ADAM29: variants seen among roughly 807,000 people sequenced by gnomAD.
The protein encoded by ADAM29 is ADAM metallopeptidase domain 29.
For synonymous variants in ADAM29, 367 were observed against 342.3 expected (o/e 1.07, Z -0.80); for missense variants, 969 against 1,001.8 (o/e 0.97, Z 0.44).
chr4:174,976,837 GC>G lies in ADAM29; in HGVS notation c.1313del (p.Ala438ValfsTer87). ...NCTLTDGSTC[A>X]FGLCCKDCKF... ...CACTCTGACTGATGGTTCTACTTGT[GC>G]TTTTGGGCTTTGTTGCAAAGACTGC... On this transcript the variant is annotated frameshift_variant, in exon 5 of 5. Coordinates refer to ENST00000359240, the MANE Select transcript of ADAM29 (RefSeq NM_014269.4). LOFTEE classifies it low-confidence loss of function (END_TRUNC). 2 of 1,614,178 alleles carry G rather than the reference GC, an allele frequency of 1.2e-6. No individual in the cohort carries two copies. The highest frequency in any genetic ancestry group is 1.7e-6 in the Non-Finnish European group (2 of 1,180,036).
intron 3 of ADAM29, chr4:174,931,470 T>C (rs560123874): frequency 3.9e-5 from 6 of 152,346 alleles, no homozygotes; most frequent in South Asian, 2.1e-4. Flanking sequence ...CTATCGAATA[T>C]ATCCTTTAGA....
At chr4:174,963,500 A>T (rs1745974235) in intron 4 of ADAM29, among the ~76,000 whole-genome samples, 1 of 152,224 alleles carries the variant, frequency 6.6e-6, no homozygotes, top group African/African-American at 2.4e-5. Context: ...TAGCAAAAAA[A>T]AGAATGAAGG....
At chr4:174,949,693 T>C (rs11946315) in intron 4 of ADAM29, among the ~76,000 whole-genome samples, 62,945 of 151,244 alleles carry the variant, frequency 0.42, 13,426 homozygotes, top group South Asian at 0.47. Context: ...TGGTGGGAGA[T>C]GTTCCTCCTG....
chr4:174,927,336 T>A (rs1367881533), intron 2 of ADAM29, among the ~76,000 whole-genome samples: 1 of 152,210 alleles, frequency 6.6e-6, no homozygotes, highest in Non-Finnish European at 1.5e-5. Flanking sequence ...TGTTTTTTTT[T>A]AAACAGCATT....
chr4:174,943,060 G>A (rs963381819), intron 4 of ADAM29, among the ~76,000 whole-genome samples: 14 of 152,136 alleles, frequency 9.2e-5, no homozygotes, highest in East Asian at 3.9e-4. Flanking sequence ...GTTGCCAGTC[G>A]CTTTGCTAAA....
At chr4:174,944,811 T>C (rs999736198) in intron 4 of ADAM29, among the ~76,000 whole-genome samples, 1 of 152,230 alleles carries the variant, frequency 6.6e-6, no homozygotes, top group African/African-American at 2.4e-5. Flanking sequence ...GTTAGTTTGC[T>C]AAGGATAATA....
At chr4:174,932,975 A>G (rs980705415) in intron 3 of ADAM29, among the ~76,000 whole-genome samples, 1 of 152,152 alleles carries the variant, frequency 6.6e-6, no homozygotes, top group African/African-American at 2.4e-5. Flanking sequence ...ACGTCCTCAC[A>G]GATAGGTCCC....
At chr4:174,923,736 G>C (rs186731728) in intron 2 of ADAM29, 2 of 152,026 alleles carry the variant, frequency 1.3e-5, no homozygotes, top group Non-Finnish European at 2.9e-5. Flanking sequence ...AAAGGGAAAA[G>C]AAGAACCATT....
At chr4:174,925,266 A>G (rs989762178) in intron 2 of ADAM29, among the ~76,000 whole-genome samples, 1 of 152,204 alleles carries the variant, frequency 6.6e-6, no homozygotes, top group East Asian at 1.9e-4. Flanking sequence ...CGAGGTGTTA[A>G]TATTGGTTCT....
At position 174,977,151 on chromosome 4, in the gene ADAM29, A is replaced by G; in HGVS notation, c.1626A>G (p.Ile542Met). The change falls in exon 5 of 5, where the codon ATA becomes ATG. Residue 542 changes from isoleucine to methionine, a missense_variant. Coordinates refer to ENST00000359240, the MANE Select transcript of ADAM29 (RefSeq NM_014269.4). ...GTGGTATCAAAAATGCTACATATAT[A>G]AAGTGTAATATCTCAGATGTCCAGT... ...GHCGIKNATY[I>M]KCNISDVQCG... is the part of the protein sequence containing the mutation. 1.2e-6 allele frequency: 2 copies of G among 1,614,134 alleles called. No homozygotes were observed. Among genetic ancestry groups the G allele is most frequent in the Non-Finnish European group, 1.7e-6 (2 of 1,180,030 alleles).
intron 3 of ADAM29, among the ~76,000 whole-genome samples, chr4:174,936,046 A>G (rs1285268552): frequency 6.6e-6 from 1 of 152,058 alleles, no homozygotes; most frequent in African/African-American, 2.4e-5. Context: ...CACTGGGACA[A>G]CAGTTACAAA....
rs1034596180 is a variant in ADAM29 at position 174,978,169 on chromosome 4, T to A, written c.*181T>A. The A allele has an allele frequency of 3.0e-6, 3 of 986,362 alleles. No homozygotes were observed. The highest frequency in any genetic ancestry group is 5.0e-5 in the East Asian group (2 of 40,346). The allele number at this position is 986,362 out of a possible 1,614,324, so 61.1% of individuals were successfully genotyped here. On this transcript the variant is annotated 3_prime_UTR_variant, in exon 5 of 5. Coordinates refer to ENST00000359240, the MANE Select transcript of ADAM29 (RefSeq NM_014269.4). The stretch of plus-strand genomic sequence containing the variant: ...ATCCAGAAAAGGTACATTAAAAAAA[T>A]AATTCCTAGTATGTTTCTACTTACT...
intron 3 of ADAM29, among the ~76,000 whole-genome samples, chr4:174,934,806 C>G (rs1257959084): frequency 6.6e-6 from 1 of 152,098 alleles, no homozygotes; most frequent in African/African-American, 2.4e-5. Context: ...GTCTGTTCAT[C>G]TGAAATGGGA....
At chr4:174,967,637 A>C (rs912379212) in intron 4 of ADAM29, among the ~76,000 whole-genome samples, 1 of 152,228 alleles carries the variant, frequency 6.6e-6, no homozygotes, top group Non-Finnish European at 1.5e-5. Flanking sequence ...AAAGCACTGG[A>C]TATTTCCTGA....
chr4:174,926,483 T>C (rs1318201341), intron 2 of ADAM29, among the ~76,000 whole-genome samples: 1 of 152,076 alleles, frequency 6.6e-6, no homozygotes, highest in Admixed American at 6.5e-5. Flanking sequence ...AATACTAGTT[T>C]TTAAACTCAG....
At chr4:174,950,100 C>A (rs769020949) in intron 4 of ADAM29, among the ~76,000 whole-genome samples, 1 of 152,134 alleles carries the variant, frequency 6.6e-6, no homozygotes, top group Non-Finnish European at 1.5e-5. Context: ...AATAAGCAAA[C>A]AAATAAAATA....
At position 174,955,300 on chromosome 4, in the gene ADAM29, G is replaced by C. The variant is rs553031180; in HGVS notation, c.-181+18287G>C. The stretch of plus-strand genomic sequence containing the variant: ...GAAAACAACCCCTACTCCTGACCTA[G>C]AATAATTCATATCCTGTGGTATTAG... On this transcript the variant is annotated intron_variant, in intron 4 of 4. Coordinates refer to ENST00000359240, the MANE Select transcript of ADAM29 (RefSeq NM_014269.4). 8.6e-5 allele frequency among the ~76,000 whole-genome samples: 13 copies of C among 152,042 alleles called. No homozygotes were observed. In the East Asian group the frequency reaches 2.5e-3, roughly 29 times the overall value.
In ADAM29 at chr4:174,953,135, A is replaced by C. The variant is rs1358995164; in HGVS notation, c.-181+16122A>C. 2.0e-5 allele frequency among the ~76,000 whole-genome samples: 3 copies of C among 152,014 alleles called. No homozygotes were observed. In the East Asian group the frequency reaches 5.8e-4, roughly 29 times the overall value. On this transcript the variant is annotated intron_variant, in intron 4 of 4. Coordinates refer to ENST00000359240, the MANE Select transcript of ADAM29 (RefSeq NM_014269.4). Reference sequence around the variant, plus strand: ...CCCCGTCTCTATTAAAAATACAAAAAATTAGCCGGGCGTGGTGGCCGGTGC... The same window carrying C: ...CCCCGTCTCTATTAAAAATACAAAACATTAGCCGGGCGTGGTGGCCGGTGC...
At chr4:174,966,481 A>T (rs1371342353) in intron 4 of ADAM29, among the ~76,000 whole-genome samples, 2 of 152,248 alleles carry the variant, frequency 1.3e-5, no homozygotes, top group Non-Finnish European at 2.9e-5. Flanking sequence ...CAATTTCAAA[A>T]TACAGATATG....
Sources: gnomAD v4.1 joint callset for allele counts (sites outside exome capture counted in the v4.1 genomes callset) on GRCh38, gnomAD v4.1.1 for gene constraint, MANE v1.5 for transcripts, NCBI Gene and HGNC (gene_info 2026-07-23, HGNC 2026-07-21) for gene names.